The following MBNL1 variants were observed in gnomAD, a reference collection of about 807,000 sequenced individuals.
MBNL1 encodes the protein muscleblind like splicing regulator 1, also known as muscleblind-like protein 1.
Under a neutral mutation model 42.2 loss-of-function variants are expected in MBNL1, and 8 were observed. The ratio of observed to expected loss-of-function variants is 0.19; its 90% CI spans 0.11 to 0.34. MBNL1 has a LOEUF of 0.34. MBNL1 is among the 10% of genes least tolerant of loss of function. The pLI is 1.00. For missense variants in MBNL1, 309 were observed against 495.3 expected, an observed-to-expected ratio of 0.62 and a Z score of 3.57; for synonymous variants, 169 against 173.9, an observed-to-expected ratio of 0.97 and a Z score of 0.22.
At chr3:152,256,773 G>A (rs1333190296) in intron 2 of MBNL1, among the ~76,000 whole-genome samples, 1 of 151,914 alleles carries the variant, frequency 6.6e-6, no homozygotes, top group Non-Finnish European at 1.5e-5. Flanking sequence ...AGGAATGATG[G>A]AAAAAATGGC....
At chr3:152,458,393 G>T in intron 8 of MBNL1, 1 of 564,510 alleles carries the variant, frequency 1.8e-6, no homozygotes, top group African/African-American at 1.9e-5. Flanking sequence ...TTGTGTATCT[G>T]ATTTCATTAT....
chr3:152,304,297 C>T (rs1054625737), intron 2 of MBNL1, among the ~76,000 whole-genome samples: 1 of 152,148 alleles, frequency 6.6e-6, no homozygotes, highest in South Asian at 2.1e-4. Flanking sequence ...AGAAGATCCT[C>T]TGTTGCTAGC....
intron 2 of MBNL1, among the ~76,000 whole-genome samples, chr3:152,394,701 A>G (rs2097854820): frequency 6.6e-6 from 1 of 152,242 alleles, no homozygotes; most frequent in Non-Finnish European, 1.5e-5. Flanking sequence ...AATAAGCAAC[A>G]TAATTACAGG....
chr3:152,293,995 AAG>A (rs1235029216), intron 1 of MBNL1, among the ~76,000 whole-genome samples: 2 of 148,594 alleles, frequency 1.3e-5, no homozygotes, highest in African/African-American at 2.4e-5. Flanking sequence ...TAATTGTTGA[AAG>A]AATAAGAATA....
At chr3:152,302,478 A>G (rs2061113390) in intron 2 of MBNL1, 1 of 152,168 alleles carries the variant, frequency 6.6e-6, no homozygotes, top group South Asian at 2.1e-4. Flanking sequence ...CATTTATGTT[A>G]AAAAACATGT....
chr3:152,448,430 T>C (rs1477930641), intron 6 of MBNL1, among the ~76,000 whole-genome samples: 9 of 152,170 alleles, frequency 5.9e-5, no homozygotes, highest in Admixed American at 5.9e-4. Flanking sequence ...TTGCAAAGTT[T>C]AAAACACAGA....
chr3:152,334,271 A>C (rs1364349052), intron 2 of MBNL1, among the ~76,000 whole-genome samples: 4 of 152,218 alleles, frequency 2.6e-5, no homozygotes, highest in African/African-American at 9.6e-5. Context: ...TTAGGAAAAG[A>C]ATAACCTGTT....
intron 2 of MBNL1, among the ~76,000 whole-genome samples, chr3:152,336,404 A>G (rs1006853423): frequency 6.6e-6 from 1 of 152,180 alleles, no homozygotes; most frequent in South Asian, 2.1e-4. Context: ...GTCAGCCTCC[A>G]TTTGGATTCT....
intron 2 of MBNL1, among the ~76,000 whole-genome samples, chr3:152,401,036 C>T (rs1338247002): frequency 6.6e-6 from 1 of 152,104 alleles, no homozygotes; most frequent in East Asian, 1.9e-4. Flanking sequence ...ATAAGAATTT[C>T]TGGGAGTGGA....
At chr3:152,412,994 A>G (rs1273141642) in intron 2 of MBNL1, among the ~76,000 whole-genome samples, 1 of 152,232 alleles carries the variant, frequency 6.6e-6, no homozygotes, top group Non-Finnish European at 1.5e-5. Flanking sequence ...TTTGTATTGA[A>G]AAAGCAGGCT....
chr3:152,251,594 ACT>A (rs2034540656), intron 2 of MBNL1, among the ~76,000 whole-genome samples: 2 of 149,266 alleles, frequency 1.3e-5, no homozygotes, highest in African/African-American at 5.0e-5. Flanking sequence ...TGGCATATTC[ACT>A]CTTTTTTTTC....
At chr3:152,312,229 ATT>A in intron 2 of MBNL1, among the ~76,000 whole-genome samples, 1 of 151,508 alleles carries the variant, frequency 6.6e-6, no homozygotes, top group Non-Finnish European at 1.5e-5. Flanking sequence ...TATCTCAAAT[ATT>A]AGAATTGATC....
chr3:152,425,134 G>A (rs780549847), intron 3 of MBNL1, among the ~76,000 whole-genome samples: 2 of 151,964 alleles, frequency 1.3e-5, no homozygotes, highest in Non-Finnish European at 2.9e-5. Context: ...CCTACAGAAC[G>A]GGAGAAGATT....
intron 2 of MBNL1, among the ~76,000 whole-genome samples, chr3:152,392,136 G>T (rs911986130): frequency 1.3e-5 from 2 of 151,832 alleles, no homozygotes; most frequent in African/African-American, 4.8e-5. Flanking sequence ...TAAATAGTAA[G>T]TAGTGGCATA....
intron 2 of MBNL1, among the ~76,000 whole-genome samples, chr3:152,311,370 A>G (rs1320917485): frequency 6.6e-6 from 1 of 152,168 alleles, no homozygotes; most frequent in Non-Finnish European, 1.5e-5. Flanking sequence ...TTTATATTAT[A>G]TTGTTTCTAA....
intron 6 of MBNL1, among the ~76,000 whole-genome samples, chr3:152,451,326 C>T (rs1722535335): frequency 6.6e-6 from 1 of 152,174 alleles, no homozygotes; most frequent in Non-Finnish European, 1.5e-5. Flanking sequence ...CTTTTAAGAA[C>T]AGAATTGGAT....
intron 2 of MBNL1, among the ~76,000 whole-genome samples, chr3:152,328,812 CAA>C (rs1323296803): frequency 6.6e-6 from 1 of 152,014 alleles, no homozygotes; most frequent in East Asian, 1.9e-4. Flanking sequence ...TTTTTAAAAA[CAA>C]TATTTACTCT....
intron 4 of MBNL1, among the ~76,000 whole-genome samples, chr3:152,437,390 A>G (rs2099092914): frequency 6.6e-6 from 1 of 152,198 alleles, no homozygotes; most frequent in Non-Finnish European, 1.5e-5. Flanking sequence ...ACAGAAAAAA[A>G]ATGTTAAATT....
At chr3:152,457,952 A>G (rs1322618405) in intron 8 of MBNL1, 1 of 534,910 alleles carries the variant, frequency 1.9e-6, no homozygotes, top group East Asian at 3.0e-5. Flanking sequence ...GGGAATGGAT[A>G]TATATATACA....
Sources: allele counts gnomAD v4.1 joint callset (sites outside exome capture counted in the v4.1 genomes callset), GRCh38; gene constraint gnomAD v4.1.1; transcripts MANE v1.5; gene names NCBI Gene and HGNC (gene_info 2026-07-23, HGNC 2026-07-21).